PHYHIPL: variants seen among roughly 807,000 people sequenced by gnomAD.
PHYHIPL encodes phytanoyl-CoA hydroxylase-interacting protein-like.
A neutral mutation model predicts 33.4 loss-of-function variants in PHYHIPL; 9 were observed. The observed-to-expected ratio is 0.27, with a 90% confidence interval of 0.16 to 0.47. PHYHIPL has a LOEUF of 0.47. PHYHIPL is among the 20% of genes least tolerant of loss of function. PHYHIPL has a pLI of 0.99. For synonymous variants in PHYHIPL, 153 were observed against 154.1 expected (o/e 0.99, Z 0.05); for missense variants, 365 against 460.7 (o/e 0.79, Z 1.90).
In PHYHIPL at chr10:59,238,697, CTA is replaced by C; in HGVS notation, c.590_591del (p.Tyr197CysfsTer16). 1 of 1,567,540 alleles carries C rather than the reference CTA, an allele frequency of 6.4e-7. No individual in the cohort carries two copies. Among genetic ancestry groups the C allele is most frequent in the Non-Finnish European group, 8.8e-7 (1 of 1,138,732 alleles). On this transcript the variant is annotated frameshift_variant, in exon 4 of 5. Coordinates refer to ENST00000373880, the MANE Select transcript of PHYHIPL (RefSeq NM_032439.4). LOFTEE classifies it high-confidence loss of function. ...GTAATCAGCACAAAGAATATTTTGACTATGTTCGGTAAGATTCAAAAATATAT... is the reference window on the plus strand; with the variant it reads ...GTAATCAGCACAAAGAATATTTTGACTGTTCGGTAAGATTCAAAAATATAT... ...YRNQHKEYFDYVREHHGNAMQ... is the reference protein window; with the variant it reads ...YRNQHKEYFDXVREHHGNAMQ...
At chr10:59,205,798 A>G (rs1839268721) in intron 1 of PHYHIPL, among the ~76,000 whole-genome samples, 1 of 152,174 alleles carries the variant, frequency 6.6e-6, no homozygotes, top group South Asian at 2.1e-4. Context: ...CTGGGGTGGC[A>G]GCAACAACAA....
intron 1 of PHYHIPL, among the ~76,000 whole-genome samples, chr10:59,202,825 AT>A (rs1164485724): frequency 6.6e-6 from 1 of 152,170 alleles, no homozygotes; most frequent in Non-Finnish European, 1.5e-5. Flanking sequence ...CTCTTAACTA[AT>A]ATCATTCTAC....
At chr10:59,213,066 C>T (rs1347701306) in intron 1 of PHYHIPL, among the ~76,000 whole-genome samples, 1 of 152,016 alleles carries the variant, frequency 6.6e-6, no homozygotes, top group East Asian at 1.9e-4. Context: ...CAGACATACT[C>T]TGTATATGGT....
chr10:59,203,450 T>A (rs62092605), intron 1 of PHYHIPL, among the ~76,000 whole-genome samples: 7,611 of 152,048 alleles, frequency 0.05, 509 homozygotes, highest in African/African-American at 0.15. Flanking sequence ...TCATGCTACT[T>A]TAAAGACACA....
chr10:59,199,281 C>G (rs1453321805), intron 1 of PHYHIPL, among the ~76,000 whole-genome samples: 1 of 152,138 alleles, frequency 6.6e-6, no homozygotes, highest in African/African-American at 2.4e-5. Flanking sequence ...ATATGGCTAG[C>G]CAGTTTTCCC....
intron 1 of PHYHIPL, 32 bp downstream of exon 1, chr10:59,176,991 C>G (rs1838268249): frequency 6.3e-7 from 1 of 1,596,138 alleles, no homozygotes. Context: ...AGGAAAGGGA[C>G]AGAGTTCGCG....
At chr10:59,230,797 A>T (rs1414834136) in intron 1 of PHYHIPL, among the ~76,000 whole-genome samples, 1 of 152,128 alleles carries the variant, frequency 6.6e-6, no homozygotes, top group East Asian at 1.9e-4. Flanking sequence ...CATTGGTTTT[A>T]TCTAGAAGGG....
chr10:59,240,973 A>G (rs1384056213), intron 4 of PHYHIPL, among the ~76,000 whole-genome samples: 2 of 152,164 alleles, frequency 1.3e-5, no homozygotes, highest in African/African-American at 4.8e-5. Context: ...AGCTACCAGT[A>G]TGAAAGCTGT....
intron 1 of PHYHIPL, among the ~76,000 whole-genome samples, chr10:59,215,756 G>A (rs568004234): frequency 1.3e-5 from 2 of 151,950 alleles, no homozygotes; most frequent in East Asian, 3.9e-4. Context: ...TAATAGTTAA[G>A]CTGAGGCTAA....
At chr10:59,200,511 A>T (rs1259499004) in intron 1 of PHYHIPL, among the ~76,000 whole-genome samples, 2 of 152,084 alleles carry the variant, frequency 1.3e-5, no homozygotes, top group Non-Finnish European at 2.9e-5. Context: ...TATTGGTCTG[A>T]AATTCTCTTT....
upstream of PHYHIPL, among the ~76,000 whole-genome samples, chr10:59,176,199 C>G (rs1838245511): frequency 6.6e-6 from 1 of 152,204 alleles, no homozygotes; most frequent in African/African-American, 2.4e-5. Context: ...CACCCCAATA[C>G]CGTACAGAGA....
At chr10:59,185,839 G>A (rs1838581925) in intron 1 of PHYHIPL, among the ~76,000 whole-genome samples, 1 of 151,932 alleles carries the variant, frequency 6.6e-6, no homozygotes, top group Non-Finnish European at 1.5e-5. Flanking sequence ...AAATTTGTTT[G>A]AGTTCATTGT....
At chr10:59,199,436 A>C (rs1299792578) in intron 1 of PHYHIPL, among the ~76,000 whole-genome samples, 1 of 152,110 alleles carries the variant, frequency 6.6e-6, no homozygotes, top group Non-Finnish European at 1.5e-5. Context: ...TGGTGCCAGT[A>C]CCTTGCTGTT....
chr10:59,207,890 CAAA>C (rs1196589789), intron 1 of PHYHIPL, among the ~76,000 whole-genome samples: 9 of 91,340 alleles, frequency 9.9e-5, no homozygotes, highest in East Asian at 3.3e-4. Context: ...GACTCTGTCT[CAAA>C]AAAAAAAAAA....
rs1838418563 is a variant in PHYHIPL at position 59,181,790 on chromosome 10, G to T, written c.106+4831G>T. On this transcript the variant is annotated intron_variant, in intron 1 of 4. Coordinates refer to ENST00000373880, the MANE Select transcript of PHYHIPL (RefSeq NM_032439.4). ...TAAACCAATTCATATTCTTGGTAGGGTTCTAATTCATTCCCAGGGAAGACC... is the reference window on the plus strand; with the variant it reads ...TAAACCAATTCATATTCTTGGTAGGTTTCTAATTCATTCCCAGGGAAGACC... Among the ~76,000 whole-genome samples, 3 of 152,046 alleles carry T rather than the reference G, an allele frequency of 2.0e-5. No homozygotes were observed. The South Asian group carries it at 6.2e-4, about 32-fold the overall frequency.
chr10:59,189,060 A>G (rs1195218694), intron 1 of PHYHIPL, among the ~76,000 whole-genome samples: 3 of 152,124 alleles, frequency 2.0e-5, no homozygotes, highest in Non-Finnish European at 2.9e-5. Flanking sequence ...ATGTATAATT[A>G]TATTGATGCA....
At chr10:59,212,366 A>G (rs1449221434) in intron 1 of PHYHIPL, among the ~76,000 whole-genome samples, 1 of 152,218 alleles carries the variant, frequency 6.6e-6, no homozygotes, top group Non-Finnish European at 1.5e-5. Flanking sequence ...GCTTTCTTAC[A>G]TATTTTTAAG....
intron 1 of PHYHIPL, among the ~76,000 whole-genome samples, chr10:59,192,037 T>C (rs1219111329): frequency 6.6e-6 from 1 of 152,068 alleles, no homozygotes. Flanking sequence ...AATGTCTTTG[T>C]AAAACTTTAC....
In PHYHIPL at chr10:59,245,641, T is replaced by C. The variant is rs758342651; in HGVS notation, c.*50T>C. 5.3e-6 allele frequency: 8 copies of C among 1,515,990 alleles called. No homozygotes were observed. The Admixed American group carries it at 1.1e-4, about 20-fold the overall frequency. The allele number at this position is 1,515,990 out of a possible 1,614,324, so 93.9% of individuals were successfully genotyped here. A position where few individuals can be genotyped will look rare whatever the true frequency, so the allele number is the denominator to read the frequency against. On this transcript the variant is annotated 3_prime_UTR_variant, in exon 5 of 5. Transcript: ENST00000373880. The stretch of plus-strand genomic sequence containing the variant: ...AGCCCCTTTTCCTCCCTTAGGAGCA[T>C]TGGTCCTCTGTTGTCCATTTTTATC...
Sources: gnomAD v4.1 joint callset for allele counts (sites outside exome capture counted in the v4.1 genomes callset) on GRCh38, gnomAD v4.1.1 for gene constraint, MANE v1.5 for transcripts, NCBI Gene and HGNC (gene_info 2026-07-23, HGNC 2026-07-21) for gene names.